PEX7: variants seen among roughly 807,000 people sequenced by gnomAD.
PEX7 encodes PTS2 receptor.
In PEX7, 34 loss-of-function variants were observed where a neutral mutation model predicts 47.5. That is an observed-to-expected ratio of 0.72 (90% CI 0.54 to 0.95). The LOEUF is 0.95. Ranked by LOEUF, PEX7 falls within the 40% of genes least tolerant of loss-of-function variation. The probability of loss-of-function intolerance (pLI) is 0.00; values close to 1 mark genes in which losing one functional copy is unlikely to be tolerated. For synonymous variants in PEX7, 141 were observed against 148.8 expected (o/e 0.95, Z 0.38); for missense variants, 394 against 400.3 (o/e 0.98, Z 0.13).
intron 1 of PEX7, chr6:136,823,225 G>A: frequency 1.0e-6 from 1 of 985,414 alleles, no homozygotes; most frequent in Non-Finnish European, 1.2e-6. Context: ...ACAATTCCCA[G>A]TCTGCATTCG....
At chr6:136,874,787 G>A (rs774544173) in intron 8 of PEX7, among the ~76,000 whole-genome samples, 9 of 151,610 alleles carry the variant, frequency 5.9e-5, no homozygotes, top group Non-Finnish European at 1.0e-4. Context: ...TGAATATCTA[G>A]TGGTATGTTT....
At chr6:136,856,277 T>A (rs1774860889) in intron 5 of PEX7, among the ~76,000 whole-genome samples, 1 of 147,588 alleles carries the variant, frequency 6.8e-6, no homozygotes, top group African/African-American at 2.5e-5. Flanking sequence ...AGCCAGGACT[T>A]CTTTGGTTGA....
At chr6:136,841,525 A>T (rs574846684) in intron 3 of PEX7, among the ~76,000 whole-genome samples, 4 of 152,184 alleles carry the variant, frequency 2.6e-5, no homozygotes, top group African/African-American at 9.6e-5. Context: ...TTCTCTTCTG[A>T]GCACGAAGCT....
intron 4 of PEX7, 28 bp downstream of exon 4, chr6:136,845,720 C>A: frequency 7.7e-7 from 1 of 1,306,952 alleles, no homozygotes; most frequent in Non-Finnish European, 1.1e-6. Context: ...TATTCAAAAA[C>A]GAATATTCCC....
rs750211502 is a variant in PEX7 at position 136,898,246 on chromosome 6, C to T, written c.903+5C>T. Reference sequence around the variant, plus strand: ...AGTCTTCAGAGCCCCACTCAGGTAACGGATACAATCTCATGATATTCTCTT... The same window carrying T: ...AGTCTTCAGAGCCCCACTCAGGTAATGGATACAATCTCATGATATTCTCTT... On this transcript the variant is annotated splice_donor_5th_base_variant and intron_variant, in intron 9 of 9. Coordinates refer to ENST00000318471, the MANE Select transcript of PEX7 (RefSeq NM_000288.4). 21 of 1,504,726 alleles carry T rather than the reference C, an allele frequency of 1.4e-5. No homozygotes were observed. The highest frequency in any genetic ancestry group is 1.7e-4 in the Middle Eastern group (1 of 5,886). The allele number at this position is 1,504,726 out of a possible 1,614,324, so 93.2% of individuals were successfully genotyped here. A position where few individuals can be genotyped will look rare whatever the true frequency, so the allele number is the denominator to read the frequency against.
chr6:136,854,060 C>T (rs922460284), intron 5 of PEX7, among the ~76,000 whole-genome samples: 4 of 122,040 alleles, frequency 3.3e-5, no homozygotes, highest in Admixed American at 2.6e-4. Flanking sequence ...GGTCTTTTAT[C>T]CTTCTGTAAC....
intron 8 of PEX7, among the ~76,000 whole-genome samples, chr6:136,882,112 T>A (rs912472952): frequency 2.0e-5 from 3 of 151,960 alleles, no homozygotes; most frequent in Admixed American, 2.0e-4. Context: ...ACAAGAAATA[T>A]ATGAGAAGAC....
chr6:136,842,370 A>G (rs189621740), intron 3 of PEX7, among the ~76,000 whole-genome samples: 66 of 152,202 alleles, frequency 4.3e-4, no homozygotes, highest in African/African-American at 1.3e-3. Flanking sequence ...ATAGAGACCT[A>G]ATGCTTGCTA....
Position 136,869,753 on chromosome 6 carries a change from T to C in PEX7, c.634-137T>C, listed in dbSNP as rs1161518596. The C allele has an allele frequency of 3.9e-6, 3 of 777,744 alleles. No individual in the cohort carries two copies. The Admixed American group carries it at 5.2e-5, about 14-fold the overall frequency. The allele number at this position is 777,744 out of a possible 1,614,324, so 48.2% of individuals were successfully genotyped here. A position where few individuals can be genotyped will look rare whatever the true frequency, so the allele number is the denominator to read the frequency against. On this transcript the variant is annotated intron_variant, in intron 6 of 9. Transcript: ENST00000318471. The stretch of plus-strand genomic sequence containing the variant: ...TATGTTGATTCCTGTCTATACTTGT[T>C]ATACAACTTCTCAAAAATGACTCCT...
chr6:136,826,035 T>A (rs1357833017), intron 2 of PEX7, among the ~76,000 whole-genome samples: 1 of 152,148 alleles, frequency 6.6e-6, no homozygotes, highest in Non-Finnish European at 1.5e-5. Context: ...TCATAAATTA[T>A]AAAATTTAAA....
intron 3 of PEX7, among the ~76,000 whole-genome samples, chr6:136,828,870 A>G (rs989994820): frequency 6.6e-5 from 10 of 152,162 alleles, no homozygotes; most frequent in Non-Finnish European, 1.3e-4. Context: ...TGTTATTTGA[A>G]CTGCTATTAA....
intron 5 of PEX7, among the ~76,000 whole-genome samples, chr6:136,858,673 T>G (rs1774905510): frequency 6.6e-6 from 1 of 152,248 alleles, no homozygotes; most frequent in Admixed American, 6.5e-5. Flanking sequence ...GATGCCAAAT[T>G]GACAGCTTAG....
Position 136,846,141 on chromosome 6 carries a change from C to G in PEX7, c.486C>G (p.Ile162Met). 1 of 1,613,330 alleles carries G rather than the reference C, an allele frequency of 6.2e-7. No individual in the cohort carries two copies. The highest frequency in any genetic ancestry group is 8.5e-7 in the Non-Finnish European group (1 of 1,179,394). Reference sequence around the variant, plus strand: ...ATGAAAGTATTATTTATAGCACAATCTGGTCTCCCCACATCCCTGGTTGTT... The same window carrying G: ...ATGAAAGTATTATTTATAGCACAATGTGGTCTCCCCACATCCCTGGTTGTT... The part of the protein sequence containing the change: ...RGHESIIYST[I>M]WSPHIPGCFA... The change falls in exon 5 of 10, where the codon ATC becomes ATG. Residue 162 changes from isoleucine (I) to methionine (M), a missense_variant. Ile to Met is a conservative substitution (Grantham distance 10). Coordinates refer to ENST00000318471, the MANE Select transcript of PEX7 (RefSeq NM_000288.4).
intron 1 of PEX7, among the ~76,000 whole-genome samples, chr6:136,823,579 G>A (rs1774127025): frequency 6.6e-6 from 1 of 151,654 alleles, no homozygotes; most frequent in Non-Finnish European, 1.5e-5. Context: ...GTGACAGACT[G>A]AGACCCCGTC....
At chr6:136,877,663 A>G (rs1043696556) in intron 8 of PEX7, among the ~76,000 whole-genome samples, 1 of 151,986 alleles carries the variant, frequency 6.6e-6, no homozygotes, top group Non-Finnish European at 1.5e-5. Flanking sequence ...TTTCTCTTCC[A>G]TTGGTCTATA....
intron 8 of PEX7, among the ~76,000 whole-genome samples, chr6:136,876,989 C>T (rs902223626): frequency 2.0e-5 from 3 of 152,250 alleles, no homozygotes; most frequent in African/African-American, 7.2e-5. Context: ...TCCATATCCT[C>T]TCTAGCATCT....
At chr6:136,865,129 A>G (rs1775035879) in intron 5 of PEX7, among the ~76,000 whole-genome samples, 1 of 152,180 alleles carries the variant, frequency 6.6e-6, no homozygotes, top group Admixed American at 6.5e-5. Context: ...CTGTTTTTGT[A>G]ATAATGCAAA....
chr6:136,825,340 C>T (rs1774168532), intron 2 of PEX7, 69 bp downstream of exon 2: 2 of 1,256,320 alleles, frequency 1.6e-6, no homozygotes, highest in Non-Finnish European at 2.3e-6. Context: ...TAGGTTTTGA[C>T]TCTTTGATTA....
chr6:136,845,824 T>G, intron 4 of PEX7, 132 bp downstream of exon 4: 1 of 715,430 alleles, frequency 1.4e-6, no homozygotes, highest in Non-Finnish European at 2.5e-6. Context: ...AAAAAAAAAA[T>G]TAAAACACTT....
Sources: gnomAD v4.1 joint callset for allele counts (sites outside exome capture counted in the v4.1 genomes callset) on GRCh38, gnomAD v4.1.1 for gene constraint, MANE v1.5 for transcripts, NCBI Gene and HGNC (gene_info 2026-07-23, HGNC 2026-07-21) for gene names.